RICTOR: variants seen among roughly 807,000 people sequenced by gnomAD.
The protein encoded by RICTOR is rapamycin-insensitive companion of mTOR.
A neutral mutation model predicts 214.9 loss-of-function variants in RICTOR; 49 were observed. That is an observed-to-expected ratio of 0.23 (90% confidence interval 0.18 to 0.29). The LOEUF (loss-of-function observed/expected upper bound fraction) is 0.29, where lower values mean the gene tolerates loss of function less well. RICTOR is among the 10% of genes least tolerant of loss of function. The probability of loss-of-function intolerance (pLI) is 1.00; values close to 1 mark genes in which losing one functional copy is unlikely to be tolerated. For missense variants in RICTOR, 1,625 were observed against 2,047.0 expected (o/e 0.79, Z 3.98); for synonymous variants, 717 against 711.3 (o/e 1.01, Z -0.13).
chr5:38,995,613 G>A lies in RICTOR; in HGVS notation c.456+1206C>T, dbSNP rs563115077. On this transcript the variant is annotated intron_variant, in intron 6 of 37. Transcript: ENST00000357387. Reference sequence around the variant, plus strand: ...TTTCATAAAAATGTTATTTATATTTGTATTTAATGTGTTTATTATTTTAAA... The same window carrying A: ...TTTCATAAAAATGTTATTTATATTTATATTTAATGTGTTTATTATTTTAAA... 7.2e-5 allele frequency among the ~76,000 whole-genome samples: 11 copies of A among 151,976 alleles called. No homozygotes were observed. The South Asian group carries it at 2.1e-3, about 29-fold the overall frequency.
intron 31 of RICTOR, among the ~76,000 whole-genome samples, 197 bp from the exon 32 acceptor site, chr5:38,947,638 G>A (rs557859126): frequency 2.3e-4 from 35 of 152,224 alleles, no homozygotes; most frequent in African/African-American, 7.5e-4. Context: ...AAGGTCACCA[G>A]TAATGTTGAC....
intron 32 of RICTOR, among the ~76,000 whole-genome samples, chr5:38,946,924 G>A (rs1339994520): frequency 6.6e-6 from 1 of 151,802 alleles, no homozygotes; most frequent in Non-Finnish European, 1.5e-5. Flanking sequence ...ATAGGAATGA[G>A]GATTTAAAAA....
intron 2 of RICTOR, among the ~76,000 whole-genome samples, chr5:39,067,597 T>C (rs1261061334): frequency 6.6e-6 from 1 of 152,202 alleles, no homozygotes; most frequent in African/African-American, 2.4e-5. Context: ...AATCTTCAGC[T>C]CTTTTTCCAT....
intron 2 of RICTOR, among the ~76,000 whole-genome samples, chr5:39,068,098 T>C (rs1759028665): frequency 1.3e-5 from 2 of 152,036 alleles, no homozygotes; most frequent in Non-Finnish European, 2.9e-5. Context: ...AAGGAAGCAA[T>C]AAATTCCCAC....
Position 38,950,694 on chromosome 5 carries a change from A to C in RICTOR, c.3154T>G (p.Phe1052Val). The C allele has an allele frequency of 1.2e-6, 2 of 1,600,880 alleles. No homozygotes were observed. Among genetic ancestry groups the C allele is most frequent in the Non-Finnish European group, 8.5e-7 (1 of 1,173,984 alleles). ...AATGTGCTAGTAGAGCTGCTGCCAA[A>C]CCGGTCATCCTCCAATATGAACATA... ...SSMFILEDDR[F>V]GSSSTSTFFL... The change falls in exon 31 of 38, where the codon TTT becomes GTT. Residue 1052 changes from phenylalanine to valine, a missense_variant. Transcript: ENST00000357387.
intron 3 of RICTOR, among the ~76,000 whole-genome samples, chr5:39,019,060 C>T (rs946479596): frequency 1.3e-5 from 2 of 152,086 alleles, no homozygotes; most frequent in Admixed American, 6.6e-5. Context: ...TAAAGCCTAA[C>T]CCAGAGCAAG....
intron 2 of RICTOR, among the ~76,000 whole-genome samples, chr5:39,057,586 C>T (rs544069114): frequency 1.7e-4 from 26 of 152,016 alleles, no homozygotes; most frequent in East Asian, 1.2e-3. Flanking sequence ...TAATATAATC[C>T]TGGTTAAAAA....
chr5:38,961,635 A>G (rs1749803652), intron 19 of RICTOR, among the ~76,000 whole-genome samples: 1 of 152,130 alleles, frequency 6.6e-6, no homozygotes, highest in South Asian at 2.1e-4. Context: ...ATAAAAAGTT[A>G]GTACTATGCT....
chr5:38,974,868 G>A (rs751706287), intron 10 of RICTOR, among the ~76,000 whole-genome samples: 18 of 152,296 alleles, frequency 1.2e-4, no homozygotes, highest in East Asian at 3.9e-4. Context: ...AAATGTTTAG[G>A]TGAATTTCCT....
chr5:38,981,662 C>T (rs1325683608), intron 8 of RICTOR: 2 of 416,384 alleles, frequency 4.8e-6, no homozygotes, highest in African/African-American at 2.1e-5. Flanking sequence ...AAAATTTACA[C>T]ATTGATGAAA....
intron 25 of RICTOR, among the ~76,000 whole-genome samples, chr5:38,956,378 G>A (rs1018043362): frequency 6.6e-6 from 1 of 151,912 alleles, no homozygotes; most frequent in Non-Finnish European, 1.5e-5. Flanking sequence ...TATGGCTTAC[G>A]AGGCCTTTTA....
chr5:38,993,397 T>C (rs902748625), intron 6 of RICTOR, among the ~76,000 whole-genome samples: 2 of 151,424 alleles, frequency 1.3e-5, no homozygotes, highest in Non-Finnish European at 2.9e-5. Context: ...AACTGACTAG[T>C]GGAAAAATTA....
intron 3 of RICTOR, among the ~76,000 whole-genome samples, chr5:39,008,576 G>A (rs1754248655): frequency 6.6e-6 from 1 of 151,908 alleles, no homozygotes; most frequent in Non-Finnish European, 1.5e-5. Flanking sequence ...AAAAACAATT[G>A]AACATTACCA....
chr5:39,013,821 T>A (rs533363306), intron 3 of RICTOR, among the ~76,000 whole-genome samples: 1 of 152,142 alleles, frequency 6.6e-6, no homozygotes, highest in African/African-American at 2.4e-5. Context: ...CACATTTACA[T>A]ACAAAGATAT....
Position 38,996,893 on chromosome 5 carries a change from C to A in RICTOR, c.393-11G>T. On this transcript the variant is annotated splice_polypyrimidine_tract_variant and intron_variant, in intron 5 of 37. Transcript: ENST00000357387. Reference sequence around the variant, plus strand: ...TGTATGTCAATGCACCTAAACAATACACAAAATATTAATCATTGATAAAAT... The same window carrying A: ...TGTATGTCAATGCACCTAAACAATAAACAAAATATTAATCATTGATAAAAT... 6.3e-7 allele frequency: 1 copy of A among 1,584,474 alleles called. No homozygotes were observed.
chr5:39,040,389 C>T (rs1032095720), intron 2 of RICTOR, among the ~76,000 whole-genome samples: 67 of 151,894 alleles, frequency 4.4e-4, no homozygotes, highest in Non-Finnish European at 7.4e-4. Flanking sequence ...AATGGTGCAG[C>T]ACACCAAGAT....
At chr5:38,999,010 C>A (rs2150097530) in intron 5 of RICTOR, among the ~76,000 whole-genome samples, 1 of 109,722 alleles carries the variant, frequency 9.1e-6, no homozygotes, top group African/African-American at 3.4e-5. Context: ...AGCGAGACTC[C>A]ATCTCAAACA....
At chr5:38,962,203 T>G in intron 19 of RICTOR, 112 bp downstream of exon 19, 1 of 435,466 alleles carries the variant, frequency 2.3e-6, no homozygotes, top group Non-Finnish European at 4.2e-6. Flanking sequence ...TGAAGAGACA[T>G]TGTTAAAATG....
At chr5:39,063,698 T>C (rs573811518) in intron 2 of RICTOR, among the ~76,000 whole-genome samples, 72 of 152,274 alleles carry the variant, frequency 4.7e-4, no homozygotes, top group Admixed American at 1.0e-3. Flanking sequence ...TGAAGGAAGA[T>C]GTATGCCTTC....
Sources: allele counts gnomAD v4.1 joint callset (sites outside exome capture counted in the v4.1 genomes callset), GRCh38; gene constraint gnomAD v4.1.1; transcripts MANE v1.5; gene names NCBI Gene and HGNC (gene_info 2026-07-23, HGNC 2026-07-21).